AP3S1: variants seen among roughly 807,000 people sequenced by gnomAD.
AP3S1 encodes AP-3 complex subunit sigma-1.
In AP3S1, 12 loss-of-function variants were observed where a neutral mutation model predicts 21.3. That is an observed-to-expected ratio of 0.56 (90% CI 0.36 to 0.91). The LOEUF (loss-of-function observed/expected upper bound fraction) is 0.91. Among genes scored for constraint, AP3S1 ranks in the 40% least tolerant of loss-of-function variants. AP3S1 has a pLI of 0.01. For missense variants in AP3S1, 116 were observed against 225.0 expected, an observed-to-expected ratio of 0.52 and a Z score of 3.10; for synonymous variants, 48 against 78.4, an observed-to-expected ratio of 0.61 and a Z score of 2.05.
intron 5 of AP3S1, among the ~76,000 whole-genome samples, chr5:115,907,626 C>G (rs1751760770): frequency 6.6e-6 from 1 of 152,086 alleles, no homozygotes; most frequent in African/African-American, 2.4e-5. Context: ...GACATCCAAA[C>G]ATGTCATAAT....
chr5:115,892,308 A>G (rs1750377040), intron 3 of AP3S1, among the ~76,000 whole-genome samples: 1 of 152,224 alleles, frequency 6.6e-6, no homozygotes, highest in South Asian at 2.1e-4. Flanking sequence ...ACTGCTGGGT[A>G]TATATTCAAA....
At chr5:115,892,438 A>G (rs1750389476) in intron 3 of AP3S1, among the ~76,000 whole-genome samples, 1 of 152,252 alleles carries the variant, frequency 6.6e-6, no homozygotes, top group Non-Finnish European at 1.5e-5. Context: ...TAATGGATAA[A>G]GAAAATGTGG....
At chr5:115,868,745 G>A (rs938584207) in intron 2 of AP3S1, among the ~76,000 whole-genome samples, 5 of 151,824 alleles carry the variant, frequency 3.3e-5, no homozygotes, top group Admixed American at 6.6e-5. Context: ...AGCCAGGTGT[G>A]GTGGTGTGCG....
At position 115,873,345 on chromosome 5, in the gene AP3S1, G is replaced by A. The variant is rs79216936; in HGVS notation, c.273+3217G>A. ...ATTTTTTATCCATGCTTCACACGTT[G>A]ATCACTTGTTTTGATATTAGATAAC... is the stretch of plus-strand genomic sequence containing the variant. On this transcript the variant is annotated intron_variant, in intron 3 of 5. Coordinates refer to ENST00000316788, the MANE Select transcript of AP3S1 (RefSeq NM_001284.4). Among the ~76,000 whole-genome samples the A allele has an allele frequency of 4.8e-3, 736 of 152,240 alleles. 28 individuals carry two copies. The highest frequency in any genetic ancestry group is 0.039 in the Admixed American group (595 of 15,282).
chr5:115,898,449 A>G (rs915373284), intron 4 of AP3S1, among the ~76,000 whole-genome samples: 8 of 152,192 alleles, frequency 5.3e-5, no homozygotes, highest in Non-Finnish European at 8.8e-5. Flanking sequence ...CCTACTCACA[A>G]TTGGTTTGGA....
chr5:115,863,298 G>A (rs1763338948), intron 1 of AP3S1, among the ~76,000 whole-genome samples: 1 of 152,186 alleles, frequency 6.6e-6, no homozygotes, highest in Non-Finnish European at 1.5e-5. Flanking sequence ...TTGGGAGGCT[G>A]AGGCAGGAGA....
At chr5:115,904,473 C>T (rs1751478486) in intron 5 of AP3S1, among the ~76,000 whole-genome samples, 1 of 152,134 alleles carries the variant, frequency 6.6e-6, no homozygotes, top group Admixed American at 6.6e-5. Flanking sequence ...TTAAAATAGT[C>T]TTGCATTTTT....
chr5:115,913,294 A>C, intron 5 of AP3S1, 68 bp from the exon 6 acceptor site: 1 of 1,061,556 alleles, frequency 9.4e-7, no homozygotes, highest in Non-Finnish European at 1.2e-6. Flanking sequence ...CTTCCATTGT[A>C]AGTGTTTTAT....
intron 5 of AP3S1, among the ~76,000 whole-genome samples, chr5:115,909,488 G>C (rs182260884): frequency 1.8e-3 from 278 of 152,278 alleles, no homozygotes; most frequent in African/African-American, 6.3e-3. Context: ...TCTCATGGGA[G>C]AGAAAACATG....
rs1470546041 is a variant in AP3S1, at chr5:115,877,240, G to A, written c.273+7112G>A. ...CTGAGATACATATGTAGAAGGTGTA[G>A]GTTTGTTACATAGGTATACACATGC... On this transcript the variant is annotated intron_variant, in intron 3 of 5. Transcript: ENST00000316788. 1.3e-5 allele frequency among the ~76,000 whole-genome samples: 2 copies of A among 151,888 alleles called. 1 individual carries two copies. Among genetic ancestry groups the A allele is most frequent in the Non-Finnish European group, 2.9e-5 (2 of 67,990 alleles).
chr5:115,858,835 A>G (rs190252317), intron 1 of AP3S1, among the ~76,000 whole-genome samples: 1 of 150,270 alleles, frequency 6.7e-6, no homozygotes, highest in East Asian at 1.9e-4. Flanking sequence ...CTTCTCTTAT[A>G]TTAATGATAT....
At chr5:115,886,982 A>G (rs1327950959) in intron 3 of AP3S1, among the ~76,000 whole-genome samples, 1 of 152,224 alleles carries the variant, frequency 6.6e-6, no homozygotes, top group African/African-American at 2.4e-5. Context: ...GAGGTTTAAT[A>G]GAAATCCAGT....
chr5:115,855,949 A>G (rs1224281070), intron 1 of AP3S1, among the ~76,000 whole-genome samples: 3 of 152,150 alleles, frequency 2.0e-5, no homozygotes, highest in Non-Finnish European at 4.4e-5. Flanking sequence ...CAGGAGGGAA[A>G]CGTAGGAAAA....
intron 1 of AP3S1, among the ~76,000 whole-genome samples, chr5:115,856,725 C>T (rs1054616821): frequency 8.5e-4 from 130 of 152,306 alleles, no homozygotes; most frequent in African/African-American, 2.7e-3. Flanking sequence ...CCTCCGGCCT[C>T]GGCCTCCCAA....
chr5:115,907,126 A>G (rs1223699259), intron 5 of AP3S1: 2 of 454,976 alleles, frequency 4.4e-6, no homozygotes, highest in Non-Finnish European at 5.8e-6. Context: ...TTTTTTTTAA[A>G]CACTTGTCAT....
chr5:115,897,748 G>C (rs562622966), intron 4 of AP3S1, among the ~76,000 whole-genome samples: 52 of 151,936 alleles, frequency 3.4e-4, no homozygotes, highest in Non-Finnish European at 6.3e-4. Flanking sequence ...TTTTTTAGTA[G>C]AGATGGTATT....
intron 3 of AP3S1, among the ~76,000 whole-genome samples, chr5:115,889,384 C>T (rs1051296580): frequency 5.3e-5 from 8 of 152,280 alleles, no homozygotes; most frequent in Middle Eastern, 3.4e-3. Context: ...GACCACTCCA[C>T]GTCATACACA....
chr5:115,848,541 G>T (rs542202165), intron 1 of AP3S1, among the ~76,000 whole-genome samples: 5 of 152,312 alleles, frequency 3.3e-5, no homozygotes, highest in Admixed American at 1.3e-4. Flanking sequence ...AAACTTACCT[G>T]TGTAACCTGA....
chr5:115,854,096 G>A (rs184300695), intron 1 of AP3S1, among the ~76,000 whole-genome samples: 2 of 152,222 alleles, frequency 1.3e-5, no homozygotes, highest in East Asian at 1.9e-4. Context: ...GTATGCACAC[G>A]TGGGCAAGTG....
Sources: gnomAD v4.1 joint callset for allele counts (sites outside exome capture counted in the v4.1 genomes callset) on GRCh38, gnomAD v4.1.1 for gene constraint, MANE v1.5 for transcripts, NCBI Gene and HGNC (gene_info 2026-07-23, HGNC 2026-07-21) for gene names.